The following ATP8A2 variants were observed in gnomAD, a reference collection of about 807,000 sequenced individuals.
The protein encoded by ATP8A2 is phospholipid-transporting ATPase IB.
Under a neutral mutation model 165.6 loss-of-function variants are expected in ATP8A2, and 100 were observed. That is an observed-to-expected ratio of 0.60 (90% CI 0.51 to 0.71). The LOEUF (loss-of-function observed/expected upper bound fraction) is 0.71, where lower values mean the gene tolerates loss of function less well. Ranked by LOEUF, ATP8A2 falls within the 30% of genes least tolerant of loss-of-function variation. ATP8A2 has a pLI of 0.00. For synonymous variants in ATP8A2, 543 were observed against 548.8 expected (o/e 0.99, Z 0.15); for missense variants, 1,227 against 1,479.5 (o/e 0.83, Z 2.80).
intron 24 of ATP8A2, among the ~76,000 whole-genome samples, chr13:25,698,949 G>A (rs1324063863): frequency 6.6e-6 from 1 of 152,218 alleles, no homozygotes; most frequent in East Asian, 1.9e-4. Context: ...GTGGATTATT[G>A]TAAATTTCTA....
At chr13:26,002,937 C>A (rs1397902663) in intron 35 of ATP8A2, among the ~76,000 whole-genome samples, 2 of 149,170 alleles carry the variant, frequency 1.3e-5, no homozygotes, top group Non-Finnish European at 3.0e-5. Context: ...TTGATGGACA[C>A]CTAGGTTGAT....
At chr13:25,881,868 C>T (rs2138855373) in intron 33 of ATP8A2, among the ~76,000 whole-genome samples, 1 of 152,184 alleles carries the variant, frequency 6.6e-6, no homozygotes, top group African/African-American at 2.4e-5. Context: ...TTAACTAAGC[C>T]CCAGGTAATT....
intron 22 of ATP8A2, among the ~76,000 whole-genome samples, chr13:25,581,326 C>T (rs1341441387): frequency 6.6e-6 from 1 of 152,160 alleles, no homozygotes; most frequent in Non-Finnish European, 1.5e-5. Context: ...CCAAAAGGGG[C>T]AACATTTTAT....
At chr13:25,622,075 G>A (rs1419097111) in intron 24 of ATP8A2, among the ~76,000 whole-genome samples, 4 of 152,044 alleles carry the variant, frequency 2.6e-5, no homozygotes, top group African/African-American at 9.6e-5. Context: ...GCATGGTGGT[G>A]CGCACCTGTA....
In ATP8A2 at chr13:25,394,426, GC is replaced by G. The variant is rs548331845; in HGVS notation, c.76+22139del. ...AACAATAGAAAACAAAATAAAAGAAGCAAACTGAAAACCAAGACAAAATAAA... is the reference window on the plus strand; with the variant it reads ...AACAATAGAAAACAAAATAAAAGAAGAAACTGAAAACCAAGACAAAATAAA... On this transcript the variant is annotated intron_variant, in intron 1 of 36. Coordinates refer to ENST00000381655, the MANE Select transcript of ATP8A2 (RefSeq NM_016529.6). Among the ~76,000 whole-genome samples, 470 of 152,304 alleles carry G rather than the reference GC, an allele frequency of 3.1e-3. 3 individuals are homozygous for G. The highest frequency in any genetic ancestry group is 0.011 in the African/African-American group (449 of 41,566).
At chr13:25,783,825 G>A (rs1256196993) in intron 27 of ATP8A2, among the ~76,000 whole-genome samples, 4 of 152,168 alleles carry the variant, frequency 2.6e-5, no homozygotes, top group African/African-American at 9.7e-5. Context: ...AATGCATTAT[G>A]CTGCGGTTTT....
chr13:25,610,031 T>A (rs1040132824), intron 24 of ATP8A2, among the ~76,000 whole-genome samples: 1 of 152,154 alleles, frequency 6.6e-6, no homozygotes, highest in African/African-American at 2.4e-5. Context: ...ATTGGATGTA[T>A]AGATTGCAAA....
intron 36 of ATP8A2, among the ~76,000 whole-genome samples, chr13:26,017,029 T>C (rs1369113640): frequency 6.6e-6 from 1 of 152,206 alleles, no homozygotes; most frequent in African/African-American, 2.4e-5. Context: ...GACCCCATGC[T>C]GCAGCCACTT....
At chr13:25,977,949 T>C (rs1046431309) in intron 35 of ATP8A2, among the ~76,000 whole-genome samples, 1 of 152,220 alleles carries the variant, frequency 6.6e-6, no homozygotes, top group African/African-American at 2.4e-5. Flanking sequence ...CCAGGATGAC[T>C]TGAGTACATT....
chr13:25,791,477 A>G (rs2045170965), intron 27 of ATP8A2, among the ~76,000 whole-genome samples: 1 of 151,634 alleles, frequency 6.6e-6, no homozygotes, highest in South Asian at 2.1e-4. Flanking sequence ...ACAAACCACC[A>G]TGACACAAGT....
chr13:25,768,144 A>C (rs964389602), intron 25 of ATP8A2, among the ~76,000 whole-genome samples: 1 of 151,966 alleles, frequency 6.6e-6, no homozygotes, highest in Non-Finnish European at 1.5e-5. Flanking sequence ...AATCCCGCAA[A>C]TCAAGCATCA....
Position 25,897,506 on chromosome 13 carries a change from T to C in ATP8A2, c.3183+35098T>C, listed in dbSNP as rs7324530. ...CAACTTTTGGTGAATGTGACAATTA[T>C]GTGTCTTGAAGTTGCTCTTCTCAAG... On this transcript the variant is annotated intron_variant, in intron 33 of 36. Transcript: ENST00000381655. 9.8e-3 allele frequency among the ~76,000 whole-genome samples: 1,500 copies of C among 152,292 alleles called. 18 individuals carry two copies. Among genetic ancestry groups the C allele is most frequent in the African/African-American group, 0.031 (1,283 of 41,546 alleles).
chr13:25,799,235 AC>A (rs1388066936), intron 27 of ATP8A2, among the ~76,000 whole-genome samples: 3 of 152,314 alleles, frequency 2.0e-5, no homozygotes, highest in African/African-American at 7.2e-5. Flanking sequence ...TTAGTTAACA[AC>A]CTTTGTGCAG....
chr13:25,658,624 A>C (rs1431406670), intron 24 of ATP8A2, among the ~76,000 whole-genome samples: 1 of 152,208 alleles, frequency 6.6e-6, no homozygotes, highest in Non-Finnish European at 1.5e-5. Flanking sequence ...GGATGACAAG[A>C]GTGAAACTCC....
chr13:25,987,023 A>T (rs905099999), intron 35 of ATP8A2, among the ~76,000 whole-genome samples: 1 of 152,218 alleles, frequency 6.6e-6, no homozygotes, highest in Non-Finnish European at 1.5e-5. Context: ...TGATCTAGAG[A>T]TAGGCCAAGT....
chr13:25,816,462 A>G (rs1593392204), intron 27 of ATP8A2, among the ~76,000 whole-genome samples: 1 of 152,174 alleles, frequency 6.6e-6, no homozygotes, highest in Non-Finnish European at 1.5e-5. Flanking sequence ...ATGGAATCTG[A>G]TACTTCAAGA....
intron 35 of ATP8A2, among the ~76,000 whole-genome samples, chr13:26,010,130 C>A (rs866396595): frequency 6.6e-6 from 1 of 152,190 alleles, no homozygotes; most frequent in Non-Finnish European, 1.5e-5. Flanking sequence ...CCACTCTAGG[C>A]GGCATCTAGG....
chr13:25,937,369 T>C (rs76132125), intron 33 of ATP8A2, among the ~76,000 whole-genome samples: 2 of 135,662 alleles, frequency 1.5e-5, no homozygotes, highest in Non-Finnish European at 3.2e-5. Flanking sequence ...TTTCTTTTTT[T>C]TTTTTTTTTT....
chr13:25,961,515 A>G (rs1252720340), intron 33 of ATP8A2, 60 bp from the exon 34 acceptor site: 1 of 1,303,076 alleles, frequency 7.7e-7, no homozygotes, highest in African/African-American at 1.5e-5. Context: ...TGATTACATT[A>G]TGTTGCTCTG....
Sources: allele counts gnomAD v4.1 joint callset (sites outside exome capture counted in the v4.1 genomes callset), GRCh38; gene constraint gnomAD v4.1.1; transcripts MANE v1.5; gene names NCBI Gene and HGNC (gene_info 2026-07-23, HGNC 2026-07-21).